The following CHKB variants were observed in gnomAD, a reference collection of about 807,000 sequenced individuals.
The protein encoded by CHKB is choline/ethanolamine kinase.
In CHKB, 45 loss-of-function variants were observed where a neutral mutation model predicts 57.3. That is an observed-to-expected ratio of 0.79 (90% CI 0.62 to 1.01). The LOEUF (loss-of-function observed/expected upper bound fraction) is 1.01, where lower values mean the gene tolerates loss of function less well. Among genes scored for constraint, CHKB ranks in the 50% least tolerant of loss-of-function variants. The pLI is 0.00. For synonymous variants in CHKB, 224 were observed against 201.8 expected, an observed-to-expected ratio of 1.11 and a Z score of -0.93; for missense variants, 517 against 502.8, an observed-to-expected ratio of 1.03 and a Z score of -0.27.
chr22:50,581,521 C>T lies in CHKB; in HGVS notation c.480G>A (p.Glu160=). 1 of 1,613,966 alleles carries T rather than the reference C, an allele frequency of 6.2e-7. No individual in the cohort carries two copies. Among genetic ancestry groups the T allele is most frequent in the African/African-American group, 1.3e-5 (1 of 75,046 alleles). Residue 160 remains glutamate (E), a synonymous_variant, in exon 4 of 11, where the codon GAG becomes GAA. Coordinates refer to ENST00000406938, the MANE Select transcript of CHKB (RefSeq NM_005198.5). ...SRPLKTQELR[E]PVLSAAIATK... Reference sequence around the variant, plus strand: ...TGGCAATGGCTGCTGACAACACTGGCTCTCGAAGCTCTTGAGTTTTCAATG... The same window carrying T: ...TGGCAATGGCTGCTGACAACACTGGTTCTCGAAGCTCTTGAGTTTTCAATG...
chr22:50,580,170 A>G lies in CHKB; in HGVS notation c.818+20T>C, dbSNP rs1000710213. 1.9e-6 allele frequency: 3 copies of G among 1,613,708 alleles called. No individual in the cohort carries two copies. The highest frequency in any genetic ancestry group is 2.5e-6 in the Non-Finnish European group (3 of 1,179,832). ...GCCCTATGGGAACAGATCTATGGGA[A>G]GCCATCTTTCCAGCCTCACCTATAG... is the stretch of plus-strand genomic sequence containing the variant. On this transcript the variant is annotated intron_variant, in intron 7 of 10. Transcript: ENST00000406938.
Position 50,579,113 on chromosome 22 carries a change from C to A in CHKB, c.*68G>T. 3 of 1,478,350 alleles carry A rather than the reference C, an allele frequency of 2.0e-6. No homozygotes were observed. The South Asian group carries it at 3.5e-5, about 17-fold the overall frequency. 91.6% of individuals were successfully genotyped at this position (1,478,350 alleles called of 1,614,324 possible). A position where few individuals can be genotyped will look rare whatever the true frequency, so the allele number is the denominator to read the frequency against. On this transcript the variant is annotated 3_prime_UTR_variant, in exon 11 of 11. Transcript: ENST00000406938. ...AGCCCAGTCGCCAGGGCCTTCTGCT[C>A]GTTGTTCCTCCCTCCAAGGTCCTGC... is the stretch of plus-strand genomic sequence containing the variant.
chr22:50,582,107 G>T, intron 2 of CHKB, 142 bp downstream of exon 2: 1 of 866,884 alleles, frequency 1.2e-6, no homozygotes, highest in Non-Finnish European at 1.9e-6. Flanking sequence ...TGGGAATACA[G>T]GCCCAGGCTT....
At chr22:50,580,815 T>C in intron 4 of CHKB, 155 bp from the exon 5 acceptor site, 3 of 735,332 alleles carry the variant, frequency 4.1e-6, no homozygotes, top group Non-Finnish European at 7.0e-6. Context: ...AGTCTTGCTC[T>C]GTCACCCAGG....
intron 3 of CHKB, 66 bp from the exon 4 acceptor site, chr22:50,581,619 G>C: frequency 6.2e-7 from 1 of 1,606,338 alleles, no homozygotes; most frequent in Non-Finnish European, 8.5e-7. Flanking sequence ...CTGGGGCAAT[G>C]AGGGGAAGTC....
In CHKB at chr22:50,580,612, C is replaced by A. The variant is rs761978769; in HGVS notation, c.630G>T (p.Met210Ile). ...TCAGGCTGTACATCTCCAGCAGGTT[C>A]ATCTCAGGGAGGCCAGTTGGGGGCA... ...QDLPPTGLPE[M>I]NLLEMYSLKD... Residue 210 changes from methionine to isoleucine, a missense_variant, in exon 5 of 11, where the codon ATG becomes ATT. Met to Ile is a conservative substitution (Grantham distance 10). Transcript: ENST00000406938. 2 of 1,614,110 alleles carry A rather than the reference C, an allele frequency of 1.2e-6. No individual in the cohort carries two copies. The highest frequency in any genetic ancestry group is 1.7e-6 in the Non-Finnish European group (2 of 1,180,030).
Position 50,579,001 on chromosome 22 carries a change from C to A in CHKB, c.*180G>T. 3.0e-6 allele frequency: 2 copies of A among 675,166 alleles called. No homozygotes were observed. The highest frequency in any genetic ancestry group is 5.4e-5 in the East Asian group (2 of 36,770). 41.8% of individuals were successfully genotyped at this position (675,166 alleles called of 1,614,324 possible). A position where few individuals can be genotyped will look rare whatever the true frequency, so the allele number is the denominator to read the frequency against. On this transcript the variant is annotated 3_prime_UTR_variant, in exon 11 of 11. Transcript: ENST00000406938. Reference sequence around the variant, plus strand: ...CTTGTTTATTGTGTTACATACACAGCACGGGGCTCTGGCCTGCCAGCCATG... The same window carrying A: ...CTTGTTTATTGTGTTACATACACAGAACGGGGCTCTGGCCTGCCAGCCATG...
intron 4 of CHKB, 72 bp downstream of exon 4, chr22:50,581,348 G>A: frequency 6.3e-7 from 1 of 1,589,452 alleles, no homozygotes; most frequent in Non-Finnish European, 8.6e-7. Context: ...GCTGGATAGA[G>A]CCCCCGACAC....
In CHKB at chr22:50,581,993, C is replaced by T. The variant is rs1008576016; in HGVS notation, c.334-131G>A. The T allele has an allele frequency of 8.1e-6, 7 of 867,942 alleles. No individual in the cohort carries two copies. The South Asian group carries it at 8.3e-5, about 10-fold the overall frequency. The allele number at this position is 867,942 out of a possible 1,614,324, so 53.8% of individuals were successfully genotyped here. On this transcript the variant is annotated intron_variant, in intron 2 of 10. Transcript: ENST00000406938. ...GGAGGCTCTGGAGCACAGGCTTTAG[C>T]GTTGGTCTATTTTTATTTAGAGATG...
At position 50,580,630 on chromosome 22, in the gene CHKB, TG is replaced by T. The variant is rs2070671631; in HGVS notation, c.611del (p.Pro204GlnfsTer7). ...RYLKQIQDLP[P>X]TGLPEMNLLE... ...GCAGGTTCATCTCAGGGAGGCCAGT[TG>T]GGGGCAGGTCCTGGATCTGTTTTAG... On this transcript the variant is annotated frameshift_variant, in exon 5 of 11. Transcript: ENST00000406938. LOFTEE classifies it high-confidence loss of function. 6.2e-7 allele frequency: 1 copy of T among 1,614,092 alleles called. No homozygotes were observed. Among genetic ancestry groups the T allele is most frequent in the Non-Finnish European group, 8.5e-7 (1 of 1,180,010 alleles).
chr22:50,581,254 A>G (rs1319824226), intron 4 of CHKB, among the ~76,000 whole-genome samples, 166 bp downstream of exon 4: 2 of 152,198 alleles, frequency 1.3e-5, no homozygotes, highest in East Asian at 3.8e-4. Context: ...GATTACAGGC[A>G]TGAGGCACTG....
At chr22:50,581,052 A>AT (rs1020935219) in intron 4 of CHKB, among the ~76,000 whole-genome samples, 16 of 152,072 alleles carry the variant, frequency 1.1e-4, no homozygotes, top group African/African-American at 3.9e-4. Flanking sequence ...AAGTGCTAGG[A>AT]TTACAGGCAT....
intron 8 of CHKB, 60 bp from the exon 9 acceptor site, chr22:50,579,890 A>T: frequency 6.3e-7 from 1 of 1,597,580 alleles, no homozygotes; most frequent in Non-Finnish European, 8.6e-7. Context: ...CCCAGGTAAC[A>T]TCCTTTCCGG....
In CHKB at chr22:50,579,849, A is replaced by T. The variant is rs373763595; in HGVS notation, c.928-19T>A. ...AATGCAACTACGATCAATGGCCAAG[A>T]GTCAGGAATTGGGGAGACTGTGGAG... On this transcript the variant is annotated intron_variant, in intron 8 of 10. Transcript: ENST00000406938. The T allele has an allele frequency of 1.7e-4, 268 of 1,610,390 alleles. No homozygotes were observed. Among genetic ancestry groups the T allele is most frequent in the Non-Finnish European group, 2.1e-4 (251 of 1,177,160 alleles).
chr22:50,579,450 C>G lies in CHKB; in HGVS notation c.1089G>C (p.Met363Ile), dbSNP rs754941163. ...CCAAGTAACCAAATTCTATGGTGGA[C>G]ATGGATGCCTGGAGGATGGACCACA... Reference protein sequence around the residue: ...WGLWSILQASMSTIEFGYLDY... With the variant: ...WGLWSILQASISTIEFGYLDY... Residue 363 changes from methionine (M) to isoleucine (I), a missense_variant, in exon 10 of 11, where the codon ATG becomes ATC. Met to Ile is a conservative substitution (Grantham distance 10, BLOSUM62 1). Transcript: ENST00000406938. 1.2e-6 allele frequency: 2 copies of G among 1,613,546 alleles called. No homozygotes were observed. Among genetic ancestry groups the G allele is most frequent in the Non-Finnish European group, 1.7e-6 (2 of 1,179,958 alleles).
At position 50,579,084 on chromosome 22, in the gene CHKB, G is replaced by C; in HGVS notation, c.*97C>G. On this transcript the variant is annotated 3_prime_UTR_variant, in exon 11 of 11. Transcript: ENST00000406938. The stretch of plus-strand genomic sequence containing the variant: ...TCCTGAACCTCAGTTTCACTTGGGG[G>C]CTCAGCCCAGTCGCCAGGGCCTTCT... 1 of 1,207,422 alleles carries C rather than the reference G, an allele frequency of 8.3e-7. No homozygotes were observed. Among genetic ancestry groups the C allele is most frequent in the Non-Finnish European group, 1.2e-6 (1 of 833,218 alleles). 74.8% of individuals were successfully genotyped at this position (1,207,422 alleles called of 1,614,324 possible).
chr22:50,579,839 A>G lies in CHKB; in HGVS notation c.928-9T>C, dbSNP rs2070642646. On this transcript the variant is annotated splice_polypyrimidine_tract_variant and intron_variant, in intron 8 of 10. Coordinates refer to ENST00000406938, the MANE Select transcript of CHKB (RefSeq NM_005198.5). Reference sequence around the variant, plus strand: ...TGACGAATAAAATGCAACTACGATCAATGGCCAAGAGTCAGGAATTGGGGA... The same window carrying G: ...TGACGAATAAAATGCAACTACGATCGATGGCCAAGAGTCAGGAATTGGGGA... The G allele has an allele frequency of 1.9e-6, 3 of 1,612,134 alleles. No individual in the cohort carries two copies. The highest frequency in any genetic ancestry group is 2.7e-5 in the African/African-American group (2 of 74,864).
At position 50,579,187 on chromosome 22, in the gene CHKB, T is replaced by A; in HGVS notation, c.1182A>T (p.Ser394=). The change falls in exon 11 of 11, where the codon TCA becomes TCT. Residue 394 remains serine, a synonymous_variant. Transcript: ENST00000406938. ...QKGQLTSVHS[S]S ...AAGGAGTGGGAGGGTGGAGTCAGGA[T>A]GAGGAGTGGACACTGGTCAGCTGCC... 1.2e-6 allele frequency: 2 copies of A among 1,613,440 alleles called. No individual in the cohort carries two copies. Among genetic ancestry groups the A allele is most frequent in the Non-Finnish European group, 1.7e-6 (2 of 1,179,688 alleles).
At position 50,580,247 on chromosome 22, in the gene CHKB, G is replaced by C. The variant is rs1343740259; in HGVS notation, c.761C>G (p.Pro254Arg). 1 of 1,613,852 alleles carries C rather than the reference G, an allele frequency of 6.2e-7. No homozygotes were observed. The highest frequency in any genetic ancestry group is 8.5e-7 in the Non-Finnish European group (1 of 1,180,010). ...QEGNILLLSE[P>R]ENADSLMLVD... ...CAGCATGAGGCTGTCAGCATTTTCT[G>C]GCTCTGAGAGCAGCAAGATGTTCCC... Residue 254 changes from proline to arginine, a missense_variant, in exon 7 of 11, where the codon CCA becomes CGA. Transcript: ENST00000406938.
Sources: allele counts gnomAD v4.1 joint callset (sites outside exome capture counted in the v4.1 genomes callset), GRCh38; gene constraint gnomAD v4.1.1; transcripts MANE v1.5; gene names NCBI Gene and HGNC (gene_info 2026-07-23, HGNC 2026-07-21).